PKHD1: variants seen among roughly 807,000 people sequenced by gnomAD.
PKHD1 encodes the protein fibrocystin.
Under a neutral mutation model 412.0 loss-of-function variants are expected in PKHD1, and 291 were observed. The ratio of observed to expected loss-of-function variants is 0.71; its 90% CI spans 0.64 to 0.78. The LOEUF (loss-of-function observed/expected upper bound fraction) is 0.78. Among genes scored for constraint, PKHD1 ranks in the 30% least tolerant of loss-of-function variants. The pLI is 0.00. For missense variants in PKHD1, 4,825 were observed against 4,950.7 expected (o/e 0.97, Z 0.76); for synonymous variants, 1,777 against 1,821.5 (o/e 0.98, Z 0.62).
chr6:51,934,377 G>A (rs748587407), intron 36 of PKHD1, 55 bp from the exon 37 acceptor site: 3 of 1,127,322 alleles, frequency 2.7e-6, no homozygotes, highest in Non-Finnish European at 4.1e-6. Context: ...TTACCGTTTT[G>A]TCAGTTTCAA....
At chr6:52,058,729 C>A in intron 15 of PKHD1, 128 bp from the exon 16 acceptor site, 2 of 862,352 alleles carry the variant, frequency 2.3e-6, no homozygotes, top group Non-Finnish European at 1.9e-6. Flanking sequence ...AACATATTAA[C>A]CCAGTTACCT....
At chr6:51,893,416 G>A (rs1341504198) in intron 43 of PKHD1, among the ~76,000 whole-genome samples, 1 of 152,162 alleles carries the variant, frequency 6.6e-6, no homozygotes, top group African/African-American at 2.4e-5. Flanking sequence ...GCATTTATAG[G>A]TGGGCAGGAG....
At chr6:51,961,026 C>T (rs1791950688) in intron 35 of PKHD1, among the ~76,000 whole-genome samples, 1 of 152,002 alleles carries the variant, frequency 6.6e-6, no homozygotes, top group Non-Finnish European at 1.5e-5. Context: ...ATAGATATGA[C>T]ATGTATAAGC....
chr6:51,846,177 C>A (rs766487882), intron 50 of PKHD1, among the ~76,000 whole-genome samples: 1 of 152,076 alleles, frequency 6.6e-6, no homozygotes, highest in Non-Finnish European at 1.5e-5. Flanking sequence ...ATAAAATATA[C>A]GACAATCCTT....
intron 63 of PKHD1, among the ~76,000 whole-genome samples, chr6:51,641,592 A>G (rs896694566): frequency 1.3e-5 from 2 of 152,190 alleles, no homozygotes; most frequent in Admixed American, 6.5e-5. Flanking sequence ...ACACATGCAC[A>G]TGTATGTTTA....
chr6:51,793,510 C>G (rs891472651), intron 52 of PKHD1, among the ~76,000 whole-genome samples: 4 of 152,142 alleles, frequency 2.6e-5, no homozygotes, highest in Non-Finnish European at 5.9e-5. Flanking sequence ...TCCTCTTCCT[C>G]CTCCCACCAC....
At chr6:51,915,246 C>T (rs1783596803) in intron 37 of PKHD1, among the ~76,000 whole-genome samples, 1 of 152,110 alleles carries the variant, frequency 6.6e-6, no homozygotes, top group African/African-American at 2.4e-5. Context: ...GAGATTCTCT[C>T]ACCAACTCAC....
At position 51,796,432 on chromosome 6, in the gene PKHD1, G is replaced by GTTTTT. The variant is rs3062495; in HGVS notation, c.8303-5064_8303-5060dup. Among the ~76,000 whole-genome samples, 473 of 149,138 alleles carry GTTTTT rather than the reference G, an allele frequency of 3.2e-3. 2 individuals carry two copies. Among genetic ancestry groups the GTTTTT allele is most frequent in the African/African-American group, 9.4e-3 (382 of 40,514 alleles). On this transcript the variant is annotated intron_variant, in intron 52 of 66. Coordinates refer to ENST00000371117, the MANE Select transcript of PKHD1 (RefSeq NM_138694.4). ...ATCTAGCTAGCAGTCTATTTAATTAGTTTTTTTTTCAAAAAAATCCTAGAT... is the reference window on the plus strand; with the variant it reads ...ATCTAGCTAGCAGTCTATTTAATTAGTTTTTTTTTTTTTTCAAAAAAATCCTAGAT...
rs564240823 is a variant in PKHD1 at position 52,048,569 on chromosome 6, G to T, written c.2330C>A (p.Thr777Lys). 2 of 1,613,952 alleles carry T rather than the reference G, an allele frequency of 1.2e-6. No individual in the cohort carries two copies. Among genetic ancestry groups the T allele is most frequent in the African/African-American group, 2.7e-5 (2 of 75,022 alleles). The change falls in exon 23 of 67, where the codon ACG becomes AAG. Residue 777 changes from threonine (T) to lysine (K), a missense_variant. Physicochemically the swap from Thr to Lys is moderately conservative, Grantham distance 78. Coordinates refer to ENST00000371117, the MANE Select transcript of PKHD1 (RefSeq NM_138694.4). ...ACTTGTCCGCTGTCGTCTCTGTGTC[G>T]TCACCAGGACCAGTCCAGATCCCTC... is the stretch of plus-strand genomic sequence containing the variant. ...TEEGSGLVLV[T>K]TQRRQRTSPP... is the part of the protein sequence containing the mutation.
chr6:52,062,482 G>A, intron 14 of PKHD1, 37 bp downstream of exon 14: 1 of 1,612,394 alleles, frequency 6.2e-7, no homozygotes, highest in Non-Finnish European at 8.5e-7. Flanking sequence ...TAGCAAAGGT[G>A]CTTTTGATGT....
rs1000488807 is a variant in PKHD1 at position 52,016,575 on chromosome 6, G to C, written c.5600+835C>G. On this transcript the variant is annotated intron_variant, in intron 34 of 66. Coordinates refer to ENST00000371117, the MANE Select transcript of PKHD1 (RefSeq NM_138694.4). ...ACCTTGAACCTGGGAGGCAGAGGTT[G>C]CAATGAACCGAGATCATGCCATTGC... Among the ~76,000 whole-genome samples, 4 of 148,830 alleles carry C rather than the reference G, an allele frequency of 2.7e-5. No homozygotes were observed. The East Asian group carries it at 6.0e-4, about 22-fold the overall frequency.
At chr6:52,085,224 C>T (rs116082723) in intron 1 of PKHD1, among the ~76,000 whole-genome samples, 104 of 131,992 alleles carry the variant, frequency 7.9e-4, no homozygotes, top group Middle Eastern at 7.1e-3. Flanking sequence ...CCTTGTCCCA[C>T]CAACTTATTT....
chr6:51,639,775 T>C lies in PKHD1; in HGVS notation c.11399-819A>G, dbSNP rs80069692. 2.2e-4 allele frequency among the ~76,000 whole-genome samples: 34 copies of C among 152,288 alleles called. No individual in the cohort carries two copies. The East Asian group carries it at 6.6e-3, about 29-fold the overall frequency. On this transcript the variant is annotated intron_variant, in intron 63 of 66. Transcript: ENST00000371117. ...CTTTACTCTGGAAATGTCAATATGA[T>C]TGGCATGGTGGACAAAGGGTTATGA...
chr6:51,685,400 C>T (rs1046265925), intron 60 of PKHD1, among the ~76,000 whole-genome samples: 6 of 152,082 alleles, frequency 3.9e-5, no homozygotes, highest in African/African-American at 9.7e-5. Flanking sequence ...GCTGATTATA[C>T]GCTAAGAATA....
At chr6:51,718,933 G>T (rs1348297027) in intron 60 of PKHD1, among the ~76,000 whole-genome samples, 3 of 152,014 alleles carry the variant, frequency 2.0e-5, no homozygotes, top group Non-Finnish European at 4.4e-5. Context: ...TATGGCACAG[G>T]GGTTATATAT....
intron 61 of PKHD1, among the ~76,000 whole-genome samples, chr6:51,649,511 GT>G (rs1770601435): frequency 6.6e-6 from 1 of 152,102 alleles, no homozygotes; most frequent in Non-Finnish European, 1.5e-5. Flanking sequence ...AAAAGCCTCA[GT>G]GAAAATTAGC....
rs757834086 is a variant in PKHD1, at chr6:52,042,875, G to A, written c.3081C>T (p.Ser1027=). 2 of 1,613,810 alleles carry A rather than the reference G, an allele frequency of 1.2e-6. No individual in the cohort carries two copies. The highest frequency in any genetic ancestry group is 2.2e-5 in the East Asian group (1 of 44,880). The stretch of plus-strand genomic sequence containing the variant: ...CCAGATTACCAATATCCGCAGCTCT[G>A]GAAGGCTCCACCATATCCAGTCTAG... ...VKPRLDMVEP[S]RAADIGGLWA... is the part of the protein sequence containing the mutation. The change falls in exon 27 of 67, where the codon TCC becomes TCT. Residue 1027 remains serine (S), a synonymous_variant. Coordinates refer to ENST00000371117, the MANE Select transcript of PKHD1 (RefSeq NM_138694.4).
In PKHD1 at chr6:51,976,944, T is replaced by TAAAA. The variant is rs10671492; in HGVS notation, c.5752-16922_5752-16919dup. On this transcript the variant is annotated intron_variant, in intron 35 of 66. Coordinates refer to ENST00000371117, the MANE Select transcript of PKHD1 (RefSeq NM_138694.4). The stretch of plus-strand genomic sequence containing the variant: ...GCCTGGGTGATAGAGTGAGACTCCA[T>TAAAA]AAAAAAAAAAAAAAAAAAAACCTGA... 3.5e-3 allele frequency among the ~76,000 whole-genome samples: 325 copies of TAAAA among 93,492 alleles called. 14 individuals are homozygous for TAAAA. The highest frequency in any genetic ancestry group is 0.012 in the Middle Eastern group (2 of 164). 61.3% of individuals were successfully genotyped at this position (93,492 alleles called of 152,430 possible). A position where few individuals can be genotyped will look rare whatever the true frequency, so the allele number is the denominator to read the frequency against.
rs755566688 is a variant in PKHD1 at position 52,010,354 on chromosome 6, G to A, written c.5706C>T (p.Thr1902=). The A allele has an allele frequency of 1.9e-5, 31 of 1,613,496 alleles. 1 individual carries two copies. The South Asian group carries it at 2.4e-4, about 13-fold the overall frequency. Residue 1902 remains threonine (T), a synonymous_variant, in exon 35 of 67, where the codon ACC becomes ACT. Coordinates refer to ENST00000371117, the MANE Select transcript of PKHD1 (RefSeq NM_138694.4). ...GTTTCCGTATCTCAGTAATCTTGAC[G>A]GTAATTGGCTGATTGGGCGTCTCAC... ...MECETPNQPI[T]VKITEIRKRW... is the part of the protein sequence containing the mutation.
Sources: allele counts gnomAD v4.1 joint callset (sites outside exome capture counted in the v4.1 genomes callset), GRCh38; gene constraint gnomAD v4.1.1; transcripts MANE v1.5; gene names NCBI Gene and HGNC (gene_info 2026-07-23, HGNC 2026-07-21).